CPD: variants seen among roughly 807,000 people sequenced by gnomAD.
CPD encodes metallocarboxypeptidase D.
In CPD, 69 loss-of-function variants were observed where a neutral mutation model predicts 138.3. That is an observed-to-expected ratio of 0.50 (90% CI 0.41 to 0.61). The LOEUF is 0.61. Ranked by LOEUF, CPD falls within the 20% of genes least tolerant of loss-of-function variation. The pLI is 0.00. For missense variants in CPD, 1,432 were observed against 1,733.3 expected (o/e 0.83, Z 3.09); for synonymous variants, 651 against 642.1 (o/e 1.01, Z -0.21).
chr17:30,379,193 G>T lies in CPD; in HGVS notation c.213G>T (p.Ala71=), dbSNP rs1283416198. The T allele has an allele frequency of 6.5e-7, 1 of 1,530,810 alleles. No individual in the cohort carries two copies. Among genetic ancestry groups the T allele is most frequent in the South Asian group, 1.2e-5 (1 of 83,782 alleles). 94.8% of individuals were successfully genotyped at this position (1,530,810 alleles called of 1,614,324 possible). A position where few individuals can be genotyped will look rare whatever the true frequency, so the allele number is the denominator to read the frequency against. The part of the protein sequence containing the change: ...EEELESALRE[A]AAAGLPGLAR... ...AGTTGGAGTCGGCGCTGAGGGAGGC[G>T]GCGGCCGCGGGCCTCCCCGGCCTGG... The change falls in exon 1 of 21, where the codon GCG becomes GCT. Residue 71 remains alanine (A), a synonymous_variant. Coordinates refer to ENST00000225719, the MANE Select transcript of CPD (RefSeq NM_001304.5). This position sits in a 1 kb window ranked among gnomAD's most constrained non-coding sequence, Gnocchi z 7.0.
intron 13 of CPD, 85 bp downstream of exon 13, chr17:30,449,833 T>G: frequency 8.1e-7 from 1 of 1,242,186 alleles, no homozygotes. Flanking sequence ...ATTTTTAATT[T>G]CTTGCTAGAT....
chr17:30,409,582 G>T (rs1246096423), intron 2 of CPD, among the ~76,000 whole-genome samples: 2 of 152,144 alleles, frequency 1.3e-5, no homozygotes, highest in Admixed American at 6.5e-5. Flanking sequence ...TTTAGTCTTG[G>T]GAGGGTGTAT....
chr17:30,444,259 A>C (rs1912961526), intron 11 of CPD: 1 of 233,416 alleles, frequency 4.3e-6, no homozygotes, highest in South Asian at 1.3e-4. Flanking sequence ...ATACACATCA[A>C]ATCCTGATCC....
intron 2 of CPD, among the ~76,000 whole-genome samples, chr17:30,408,574 G>A (rs1165244808): frequency 1.3e-5 from 2 of 152,252 alleles, no homozygotes; most frequent in South Asian, 2.1e-4. Flanking sequence ...TAGCAATTGT[G>A]AATGGGAGTT....
chr17:30,394,165 C>CA (rs1284821068), intron 2 of CPD, among the ~76,000 whole-genome samples: 19 of 24,928 alleles, frequency 7.6e-4, no homozygotes, highest in African/African-American at 1.0e-3. Flanking sequence ...AGACCCGTGT[C>CA]AAAAAAAAAA....
intron 2 of CPD, among the ~76,000 whole-genome samples, chr17:30,409,132 T>A (rs200457758): frequency 6.8e-6 from 1 of 146,834 alleles, no homozygotes; most frequent in South Asian, 2.2e-4. Context: ...TTTTGTCATT[T>A]GGTTGTGTTT....
At chr17:30,402,788 G>A (rs1037185522) in intron 2 of CPD, among the ~76,000 whole-genome samples, 5 of 151,954 alleles carry the variant, frequency 3.3e-5, no homozygotes, top group East Asian at 3.9e-4. Flanking sequence ...ATGAGATCTG[G>A]GTCTTGTTTA....
chr17:30,431,773 T>G lies in CPD; in HGVS notation c.2019T>G (p.Gly673=), dbSNP rs747779270. ...PFVLSANLHG[G]SLVVNYPFDD... is the part of the protein sequence containing the mutation. ...ACATTTTCCTCTTTTCCCTTATAGG[T>G]TCTTTGGTGGTTAACTACCCTTTTG... Residue 673 remains glycine, a splice_region_variant and synonymous_variant, in exon 8 of 21, where the codon GGT becomes GGG. Transcript: ENST00000225719. 1 of 1,603,058 alleles carries G rather than the reference T, an allele frequency of 6.2e-7. No individual in the cohort carries two copies. The highest frequency in any genetic ancestry group is 1.1e-5 in the South Asian group (1 of 90,446).
At chr17:30,442,269 A>T in intron 9 of CPD, 39 bp from the exon 10 acceptor site, 2 of 1,596,644 alleles carry the variant, frequency 1.3e-6, no homozygotes, top group East Asian at 4.5e-5. Flanking sequence ...GCTGTTTAGA[A>T]CTTCTTCAGA....
intron 1 of CPD, among the ~76,000 whole-genome samples, 183 bp from the exon 2 acceptor site, chr17:30,384,806 C>T (rs534900248): frequency 1.3e-5 from 2 of 152,270 alleles, no homozygotes. Context: ...ATAATACTTT[C>T]TTTCCATTTT....
At chr17:30,412,564 C>A (rs1216421157) in intron 2 of CPD, among the ~76,000 whole-genome samples, 1 of 152,174 alleles carries the variant, frequency 6.6e-6, no homozygotes, top group Admixed American at 6.5e-5. Flanking sequence ...GCTTTGTTAA[C>A]CTACTCAAGC....
rs895996410 is a variant in CPD at position 30,465,988 on chromosome 17, C to A, written c.*1174C>A. 2 of 152,042 alleles carry A rather than the reference C, an allele frequency of 1.3e-5. No homozygotes were observed. Among genetic ancestry groups the A allele is most frequent in the East Asian group, 3.9e-4 (2 of 5,184 alleles). 9.4% of individuals were successfully genotyped at this position (152,042 alleles called of 1,614,324 possible). A position where few individuals can be genotyped will look rare whatever the true frequency, so the allele number is the denominator to read the frequency against. On this transcript the variant is annotated 3_prime_UTR_variant, in exon 21 of 21. Transcript: ENST00000225719. ...CAACCAATTTTTCTAAAAGTTCAGT[C>A]GAAAGCTTTTAAGTATAGCTTCCTC...
At chr17:30,407,427 C>T (rs1353866496) in intron 2 of CPD, among the ~76,000 whole-genome samples, 3 of 152,214 alleles carry the variant, frequency 2.0e-5, no homozygotes, top group Non-Finnish European at 2.9e-5. Context: ...TTTACACTCC[C>T]ACCAACAGTG....
chr17:30,455,513 G>A, intron 15 of CPD, 43 bp downstream of exon 15: 1 of 1,579,650 alleles, frequency 6.3e-7, no homozygotes, highest in Non-Finnish European at 8.6e-7. Flanking sequence ...TTAAGCTTAG[G>A]TAGCAAATCC....
At chr17:30,415,864 T>C (rs1448500817) in intron 2 of CPD, among the ~76,000 whole-genome samples, 1 of 152,252 alleles carries the variant, frequency 6.6e-6, no homozygotes, top group Non-Finnish European at 1.5e-5. Flanking sequence ...AGGGATATTA[T>C]GCTAAGTGAA....
Position 30,462,038 on chromosome 17 carries a change from T to C in CPD, c.3792T>C (p.Asp1264=). ...PGVHNIIAIA[D]GYQQQHSQVF... ...TCCATAACATTATTGCCATCGCTGA[T>C]GGGTACCAGCAACAACATTCACAGG... The change falls in exon 19 of 21, where the codon GAT becomes GAC. Residue 1264 remains aspartate (D), a synonymous_variant. Coordinates refer to ENST00000225719, the MANE Select transcript of CPD (RefSeq NM_001304.5). 1 of 1,612,930 alleles carries C rather than the reference T, an allele frequency of 6.2e-7. No individual in the cohort carries two copies.
intron 2 of CPD, among the ~76,000 whole-genome samples, chr17:30,393,157 A>T (rs941141550): frequency 6.6e-6 from 1 of 152,254 alleles, no homozygotes; most frequent in African/African-American, 2.4e-5. Flanking sequence ...TAACCAATTC[A>T]GTTTTTTGTG....
chr17:30,435,412 A>G (rs1912672592), intron 8 of CPD, among the ~76,000 whole-genome samples: 1 of 152,112 alleles, frequency 6.6e-6, no homozygotes, highest in African/African-American at 2.4e-5. Flanking sequence ...CAATAGGCAA[A>G]GAATAGATTT....
intron 2 of CPD, 160 bp downstream of exon 2, chr17:30,385,396 C>T (rs1911157199): frequency 5.1e-6 from 4 of 779,112 alleles, no homozygotes; most frequent in Non-Finnish European, 3.9e-6. Context: ...TGAAGGACTA[C>T]ATGAAGACCT....
Sources: gnomAD v4.1 joint callset for allele counts (sites outside exome capture counted in the v4.1 genomes callset) on GRCh38, gnomAD v4.1.1 for gene constraint, Gnocchi (gnomAD v3.1) non-coding constraint, MANE v1.5 for transcripts, NCBI Gene and HGNC (gene_info 2026-07-23, HGNC 2026-07-21) for gene names.